Variants in ATG10 observed in about 807,000 individuals in gnomAD.
The protein encoded by ATG10 is ubiquitin-like-conjugating enzyme ATG10.
Under a neutral mutation model 32.1 loss-of-function variants are expected in ATG10, and 30 were observed. That is an observed-to-expected ratio of 0.94 (90% confidence interval 0.70 to 1.27). The LOEUF (loss-of-function observed/expected upper bound fraction) is 1.27. Ranked by LOEUF, ATG10 falls within the 50% of genes most tolerant of loss-of-function variation. ATG10 has a pLI of 0.00. For synonymous variants in ATG10, 87 were observed against 91.5 expected, an observed-to-expected ratio of 0.95 and a Z score of 0.28; for missense variants, 233 against 262.3, an observed-to-expected ratio of 0.89 and a Z score of 0.77.
At chr5:81,990,916 G>A (rs1362984964) in intron 2 of ATG10, among the ~76,000 whole-genome samples, 2 of 152,174 alleles carry the variant, frequency 1.3e-5, no homozygotes, top group Non-Finnish European at 2.9e-5. Context: ...TTAGATGTTG[G>A]CAACTAATTA....
intron 3 of ATG10, among the ~76,000 whole-genome samples, chr5:82,128,779 C>G (rs892729195): frequency 7.4e-5 from 11 of 149,424 alleles, no homozygotes; most frequent in Non-Finnish European, 1.5e-4. Context: ...TTCTCTCTGG[C>G]TGCCCTTAAC....
intron 3 of ATG10, among the ~76,000 whole-genome samples, chr5:82,158,508 G>A (rs1201155729): frequency 6.6e-6 from 1 of 151,908 alleles, no homozygotes; most frequent in Non-Finnish European, 1.5e-5. Context: ...TGTTTACATA[G>A]CATTTACATT....
At chr5:82,215,893 C>G (rs2149985301) in intron 5 of ATG10, among the ~76,000 whole-genome samples, 1 of 151,666 alleles carries the variant, frequency 6.6e-6, no homozygotes, top group South Asian at 2.1e-4. Flanking sequence ...TGAGATCGCC[C>G]CACTGCACTC....
intron 5 of ATG10, among the ~76,000 whole-genome samples, chr5:82,243,155 G>A (rs1197795607): frequency 6.6e-6 from 1 of 151,946 alleles, no homozygotes; most frequent in African/African-American, 2.4e-5. Context: ...TGTATTAATA[G>A]TATGTAATTT....
At position 82,011,604 on chromosome 5, in the gene ATG10, C is replaced by T. The variant is rs72776819; in HGVS notation, c.108+23926C>T. On this transcript the variant is annotated intron_variant, in intron 2 of 7. Transcript: ENST00000282185. Reference sequence around the variant, plus strand: ...TTTGAGCCTGGCTTCGTTCTCTCAACGTTACATTTGTGCATAGCTTAATTG... The same window carrying T: ...TTTGAGCCTGGCTTCGTTCTCTCAATGTTACATTTGTGCATAGCTTAATTG... Among the ~76,000 whole-genome samples the T allele has an allele frequency of 3.9e-3, 595 of 152,306 alleles. 4 individuals carry two copies. Among genetic ancestry groups the T allele is most frequent in the Admixed American group, 8.2e-3 (125 of 15,298 alleles).
At chr5:82,164,590 A>G (rs1743505345) in intron 4 of ATG10, 53 bp downstream of exon 4, 1 of 1,490,310 alleles carries the variant, frequency 6.7e-7, no homozygotes, top group Admixed American at 2.1e-5. Context: ...CATATAAAGC[A>G]AAAAGCATAT....
intron 3 of ATG10, among the ~76,000 whole-genome samples, chr5:82,115,067 T>C (rs1472500292): frequency 6.6e-6 from 1 of 152,068 alleles, no homozygotes; most frequent in Non-Finnish European, 1.5e-5. Context: ...AGCACAGTTT[T>C]AGAGGTTTGT....
intron 2 of ATG10, among the ~76,000 whole-genome samples, chr5:81,989,486 A>C (rs1398082276): frequency 1.3e-5 from 2 of 152,214 alleles, no homozygotes; most frequent in Non-Finnish European, 2.9e-5. Context: ...AATAGTGATT[A>C]GACAGTTGAT....
chr5:82,117,229 A>C (rs1397245455), intron 3 of ATG10, among the ~76,000 whole-genome samples: 1 of 152,152 alleles, frequency 6.6e-6, no homozygotes, highest in Admixed American at 6.6e-5. Context: ...AAGCATATGC[A>C]AAAGACAATG....
At chr5:82,116,894 C>T (rs1402437598) in intron 3 of ATG10, among the ~76,000 whole-genome samples, 2 of 151,994 alleles carry the variant, frequency 1.3e-5, no homozygotes, top group Non-Finnish European at 2.9e-5. Context: ...AATTTTTTTA[C>T]TCTACTTCTG....
intron 2 of ATG10, among the ~76,000 whole-genome samples, chr5:82,007,792 C>T (rs1176879989): frequency 6.6e-6 from 1 of 151,814 alleles, no homozygotes; most frequent in African/African-American, 2.4e-5. Flanking sequence ...TTTACTTTGC[C>T]TACCCATTTA....
At chr5:82,048,934 T>G (rs1292020083) in intron 2 of ATG10, among the ~76,000 whole-genome samples, 1 of 151,216 alleles carries the variant, frequency 6.6e-6, no homozygotes, top group Non-Finnish European at 1.5e-5. Context: ...ATAGGAACAC[T>G]TTTACACTGT....
At chr5:82,131,534 T>C (rs1372533638) in intron 3 of ATG10, among the ~76,000 whole-genome samples, 1 of 152,030 alleles carries the variant, frequency 6.6e-6, no homozygotes. Context: ...TCTTCAAGAA[T>C]AAGACAAAAT....
At chr5:82,069,945 A>G (rs1265410883) in intron 3 of ATG10, among the ~76,000 whole-genome samples, 1 of 152,142 alleles carries the variant, frequency 6.6e-6, no homozygotes, top group Admixed American at 6.6e-5. Context: ...TAAATGTGAT[A>G]TGGGAACTTC....
At chr5:82,135,896 G>C (rs1462130975) in intron 3 of ATG10, among the ~76,000 whole-genome samples, 2 of 152,120 alleles carry the variant, frequency 1.3e-5, no homozygotes, top group African/African-American at 4.8e-5. Context: ...TATGAATCTA[G>C]GTGGTCCTGT....
At chr5:82,143,013 T>C (rs1435370006) in intron 3 of ATG10, among the ~76,000 whole-genome samples, 1 of 152,176 alleles carries the variant, frequency 6.6e-6, no homozygotes, top group Non-Finnish European at 1.5e-5. Context: ...TGGGCTAAAA[T>C]TTAAATTGTC....
intron 3 of ATG10, among the ~76,000 whole-genome samples, chr5:82,124,225 G>A (rs540169739): frequency 3.3e-5 from 5 of 151,194 alleles, no homozygotes; most frequent in South Asian, 4.2e-4. Context: ...GGATGGTCTC[G>A]ATCTCCTGAC....
At chr5:82,172,915 T>C (rs1012358466) in intron 4 of ATG10, among the ~76,000 whole-genome samples, 3 of 152,236 alleles carry the variant, frequency 2.0e-5, no homozygotes, top group African/African-American at 7.2e-5. Flanking sequence ...TATCACAATA[T>C]AATTTTCTCA....
intron 5 of ATG10, among the ~76,000 whole-genome samples, chr5:82,221,238 A>G (rs1442172495): frequency 2.0e-5 from 3 of 152,090 alleles, no homozygotes; most frequent in Non-Finnish European, 4.4e-5. Flanking sequence ...TAGCATTCCC[A>G]GCTGGAAACT....
Sources: allele counts gnomAD v4.1 joint callset (sites outside exome capture counted in the v4.1 genomes callset), GRCh38; gene constraint gnomAD v4.1.1; transcripts MANE v1.5; gene names NCBI Gene and HGNC (gene_info 2026-07-23, HGNC 2026-07-21).